SAMD4B: variants seen among roughly 807,000 people sequenced by gnomAD.
SAMD4B encodes the protein protein Smaug homolog 2.
Under a neutral mutation model 74.5 loss-of-function variants are expected in SAMD4B, and 5 were observed. The ratio of observed to expected loss-of-function variants is 0.07; its 90% CI spans 0.04 to 0.14. The LOEUF (loss-of-function observed/expected upper bound fraction) is 0.14, where lower values mean the gene tolerates loss of function less well. Among genes scored for constraint, SAMD4B ranks in the 10% least tolerant of loss-of-function variants. The pLI, the probability that SAMD4B is intolerant of heterozygous loss-of-function variation, is 1.00. For missense variants in SAMD4B, 608 were observed against 921.8 expected (o/e 0.66, Z 4.41); for synonymous variants, 373 against 374.9 (o/e 1.00, Z 0.06).
intron 4 of SAMD4B, among the ~76,000 whole-genome samples, chr19:39,370,527 C>T (rs2077228868): frequency 6.6e-6 from 1 of 152,120 alleles, no homozygotes; most frequent in Non-Finnish European, 1.5e-5. Flanking sequence ...TGCACAAGTG[C>T]CCTAGTCTGC....
Position 39,380,677 on chromosome 19 carries a change from C to G in SAMD4B, c.1740C>G (p.Pro580=), listed in dbSNP as rs369647211. ...RRTQRQFPMP[P]RALPPGRMGL... is the part of the protein sequence containing the mutation. ...CCCAGCGGCAGTTCCCAATGCCTCC[C>G]CGGGCCCTCCCACCCGGCCGGATGG... Residue 580 remains proline (P), a synonymous_variant, in exon 11 of 14, where the codon CCC becomes CCG. Transcript: ENST00000610417. 3.0e-5 allele frequency: 48 copies of G among 1,613,618 alleles called. No individual in the cohort carries two copies. The highest frequency in any genetic ancestry group is 2.7e-4 in the East Asian group (12 of 44,876).
In SAMD4B at chr19:39,379,127, ATCCT is replaced by A. The variant is rs111577743; in HGVS notation, c.1530+542_1530+545del. Among the ~76,000 whole-genome samples, 177 of 151,214 alleles carry A rather than the reference ATCCT, an allele frequency of 1.2e-3. 1 individual carries two copies. Among genetic ancestry groups the A allele is most frequent in the African/African-American group, 4.1e-3 (169 of 41,094 alleles). On this transcript the variant is annotated intron_variant, in intron 9 of 13. Coordinates refer to ENST00000610417, the MANE Select transcript of SAMD4B (RefSeq NM_001384574.2). ...GCTGGTTTTGAACTGACCTCAAGTG[ATCCT>A]TCCACCTCAGCCTCCCAAAGTGCTG...
intron 1 of SAMD4B, 99 bp downstream of exon 1, chr19:39,342,675 AGGG>A (rs1217880232): frequency 1.4e-5 from 2 of 147,632 alleles, no homozygotes; most frequent in Admixed American, 1.3e-4. Flanking sequence ...CCGCCCCCTC[AGGG>A]ACCCCGAACC....
intron 3 of SAMD4B, among the ~76,000 whole-genome samples, chr19:39,364,159 C>T (rs891581306): frequency 3.9e-5 from 6 of 152,228 alleles, no homozygotes; most frequent in African/African-American, 1.4e-4. Context: ...GAGCCCAACC[C>T]TTGGGGCTGT....
chr19:39,381,066 C>G lies in SAMD4B; in HGVS notation c.1925C>G (p.Ser642Trp). 1 of 1,612,922 alleles carries G rather than the reference C, an allele frequency of 6.2e-7. No homozygotes were observed. The highest frequency in any genetic ancestry group is 8.5e-7 in the Non-Finnish European group (1 of 1,179,898). ...QSRSSVQRTH[S>W]LPVHSSPQAI... ...CGCAGCTCTGTGCAGCGCACCCACT[C>G]GCTCCCGGTCCACTCGTCACCCCAG... Residue 642 changes from serine to tryptophan, a missense_variant, in exon 12 of 14, where the codon TCG (serine) becomes TGG (tryptophan). Around this residue, in one of 9 missense-constraint regions of SAMD4B, gnomAD observed 167 missense variants for 193.0 expected, o/e 0.87. Transcript: ENST00000610417.
intron 2 of SAMD4B, among the ~76,000 whole-genome samples, chr19:39,356,354 C>T (rs564694874): frequency 6.6e-6 from 1 of 152,288 alleles, no homozygotes; most frequent in Admixed American, 6.5e-5. Flanking sequence ...TCATAATTTG[C>T]AGCCTACTAT....
rs766937203 is a variant in SAMD4B, at chr19:39,379,918, G to A, written c.1531-48G>A. 9 of 1,466,262 alleles carry A rather than the reference G, an allele frequency of 6.1e-6. No homozygotes were observed. In the East Asian group the frequency reaches 1.8e-4, roughly 30 times the overall value. The allele number at this position is 1,466,262 out of a possible 1,614,324, so 90.8% of individuals were successfully genotyped here. A position where few individuals can be genotyped will look rare whatever the true frequency, so the allele number is the denominator to read the frequency against. On this transcript the variant is annotated intron_variant, in intron 9 of 13. Transcript: ENST00000610417. ...GAATGGAAGACTGGAAGGGAGGTCT[G>A]AAGGAAGCATCACCCTCTCTGCTTC...
chr19:39,357,201 C>A, intron 3 of SAMD4B, 112 bp downstream of exon 3: 3 of 904,588 alleles, frequency 3.3e-6, no homozygotes, highest in Admixed American at 2.9e-5. Context: ...GGGTTCTAGG[C>A]TTGGTGGGTG....
chr19:39,356,575 A>C (rs554255328), intron 2 of SAMD4B, 114 bp from the exon 3 acceptor site: 40 of 207,468 alleles, frequency 1.9e-4, no homozygotes, highest in African/African-American at 8.7e-4. Flanking sequence ...GGAGCTCAGC[A>C]GAGCAAGTAC....
chr19:39,357,746 A>G (rs1324831367), intron 3 of SAMD4B, among the ~76,000 whole-genome samples: 1 of 152,142 alleles, frequency 6.6e-6, no homozygotes, highest in East Asian at 1.9e-4. Flanking sequence ...GGGCCTCCAC[A>G]GGGCTGGATG....
chr19:39,379,222 C>T (rs111858931), intron 9 of SAMD4B, among the ~76,000 whole-genome samples: 1 of 152,084 alleles, frequency 6.6e-6, no homozygotes, highest in African/African-American at 2.4e-5. Flanking sequence ...AGGCTGATCT[C>T]GAACTCCTGG....
rs758163487 is a variant in SAMD4B, at chr19:39,380,698, G to C, written c.1761G>C (p.Arg587=). The C allele has an allele frequency of 2.3e-5, 37 of 1,612,584 alleles. No individual in the cohort carries two copies. The highest frequency in any genetic ancestry group is 3.1e-5 in the Non-Finnish European group (36 of 1,179,588). Residue 587 remains arginine, a synonymous_variant, in exon 11 of 14, where the codon CGG becomes CGC. Transcript: ENST00000610417. ...PMPPRALPPG[R]MGLLSPSGIG... is the part of the protein sequence containing the mutation. ...CTCCCCGGGCCCTCCCACCCGGCCG[G>C]ATGGGCCTCCTGAGCCCCTCGGGCA... is the stretch of plus-strand genomic sequence containing the variant.
chr19:39,376,023 C>G (rs1422185254), intron 5 of SAMD4B, 134 bp downstream of exon 5: 2 of 1,208,588 alleles, frequency 1.7e-6, no homozygotes, highest in Non-Finnish European at 2.3e-6. Context: ...TAGATAGTCC[C>G]TGCTTTTAGG....
chr19:39,370,090 C>G lies in SAMD4B; in HGVS notation c.632C>G (p.Pro211Arg). The G allele has an allele frequency of 6.2e-7, 1 of 1,603,798 alleles. No homozygotes were observed. Among genetic ancestry groups the G allele is most frequent in the Non-Finnish European group, 8.5e-7 (1 of 1,175,190 alleles). Reference protein sequence around the residue: ...VPFHPSSSVPPAINSIGSNAN... With the variant: ...VPFHPSSSVPRAINSIGSNAN... ...TTCCACCCATCCAGCTCAGTGCCGC[C>G]AGCCATCAACAGTATTGGGAGCAAT... The change falls in exon 4 of 14, where the codon CCA becomes CGA. Residue 211 changes from proline to arginine, a missense_variant. By Grantham distance (103) the Pro-to-Arg change is moderately radical (BLOSUM62 -2). Around this residue, in one of 9 missense-constraint regions of SAMD4B, gnomAD observed 153 missense variants for 153.0 expected, o/e 1.00. Transcript: ENST00000610417.
chr19:39,375,634 C>G lies in SAMD4B; in HGVS notation c.668-16C>G, dbSNP rs1244733369. On this transcript the variant is annotated splice_polypyrimidine_tract_variant and intron_variant, in intron 4 of 13. Coordinates refer to ENST00000610417, the MANE Select transcript of SAMD4B (RefSeq NM_001384574.2). The surrounding 1 kb of genome is among the most constrained non-coding windows in gnomAD (Gnocchi z 4.1). The stretch of plus-strand genomic sequence containing the variant: ...TCCCCAGGTCTAATATTTTGCTTTT[C>G]TCCCACTCTGGCCAGGTCTCCCCTG... 1 of 1,592,132 alleles carries G rather than the reference C, an allele frequency of 6.3e-7. No individual in the cohort carries two copies. The highest frequency in any genetic ancestry group is 8.6e-7 in the Non-Finnish European group (1 of 1,162,138).
intron 4 of SAMD4B, among the ~76,000 whole-genome samples, chr19:39,372,429 G>T (rs1405570065): frequency 6.6e-6 from 1 of 152,174 alleles, no homozygotes; most frequent in Non-Finnish European, 1.5e-5. Flanking sequence ...GTGTGTGAAG[G>T]CTACATTCTG....
chr19:39,383,762 G>A lies in SAMD4B; in HGVS notation c.*235G>A, dbSNP rs545572591. 1.3e-6 allele frequency: 2 copies of A among 1,504,472 alleles called. No individual in the cohort carries two copies. Among genetic ancestry groups the A allele is most frequent in the East Asian group, 4.9e-5 (2 of 40,734 alleles). 93.2% of individuals were successfully genotyped at this position (1,504,472 alleles called of 1,614,324 possible). A position where few individuals can be genotyped will look rare whatever the true frequency, so the allele number is the denominator to read the frequency against. On this transcript the variant is annotated 3_prime_UTR_variant, in exon 14 of 14. Transcript: ENST00000610417. The surrounding 1 kb of genome is among the most constrained non-coding windows in gnomAD (Gnocchi z 4.1). Reference sequence around the variant, plus strand: ...GGGAGTTGGGGGCAGCCAGGATAAAGGGGGCAGGGACTGGCCAGACTGCCT... The same window carrying A: ...GGGAGTTGGGGGCAGCCAGGATAAAAGGGGCAGGGACTGGCCAGACTGCCT...
chr19:39,376,651 A>G, intron 6 of SAMD4B, 54 bp from the exon 7 acceptor site: 1 of 1,599,290 alleles, frequency 6.3e-7, no homozygotes, highest in African/African-American at 1.3e-5. Context: ...GGGTACCCCC[A>G]AATATCTCAG....
intron 1 of SAMD4B, among the ~76,000 whole-genome samples, chr19:39,348,056 A>G (rs556715626): frequency 6.6e-6 from 1 of 152,290 alleles, no homozygotes; most frequent in East Asian, 1.9e-4. Context: ...GGGAGGTGAC[A>G]GTTGAGCCTG....
Sources: allele counts gnomAD v4.1 joint callset (sites outside exome capture counted in the v4.1 genomes callset), GRCh38; gene constraint gnomAD v4.1.1; regional missense constraint gnomAD v4.1.1; non-coding constraint Gnocchi (gnomAD v3.1); transcripts MANE v1.5; gene names NCBI Gene and HGNC (gene_info 2026-07-23, HGNC 2026-07-21).